PIK3R4: variants seen among roughly 807,000 people sequenced by gnomAD.
The protein encoded by PIK3R4 is phosphoinositide-3-kinase regulatory subunit 4.
Under a neutral mutation model 136.5 loss-of-function variants are expected in PIK3R4, and 46 were observed. The observed-to-expected ratio is 0.34, with a 90% CI of 0.27 to 0.43. The LOEUF is 0.43. PIK3R4 is among the 20% of genes least tolerant of loss of function. The pLI is 1.00. For synonymous variants in PIK3R4, 557 were observed against 566.7 expected (o/e 0.98, Z 0.24); for missense variants, 1,331 against 1,649.5 (o/e 0.81, Z 3.35).
At chr3:130,689,586 T>G (rs762483100) in intron 14 of PIK3R4, among the ~76,000 whole-genome samples, 9 of 152,222 alleles carry the variant, frequency 5.9e-5, no homozygotes, top group Non-Finnish European at 1.3e-4. Context: ...CTTTCTGCCT[T>G]AAGCTACCTA....
At chr3:130,724,231 T>C (rs1413702084) in intron 6 of PIK3R4, among the ~76,000 whole-genome samples, 1 of 152,206 alleles carries the variant, frequency 6.6e-6, no homozygotes, top group Non-Finnish European at 1.5e-5. Context: ...TTACTTTTCT[T>C]TCTAAAAGGA....
intron 16 of PIK3R4, 130 bp downstream of exon 16, chr3:130,684,120 C>T (rs2066474620): frequency 1.3e-6 from 1 of 773,000 alleles, no homozygotes; most frequent in Admixed American, 2.4e-5. Context: ...TGGCAACCTC[C>T]ATAATCAGAA....
intron 5 of PIK3R4, among the ~76,000 whole-genome samples, chr3:130,729,194 T>G (rs2066749350): frequency 6.6e-6 from 1 of 152,226 alleles, no homozygotes; most frequent in Non-Finnish European, 1.5e-5. Flanking sequence ...TTACCTCTTC[T>G]CTTCCTCATC....
At chr3:130,736,370 AC>A (rs1043925751) in intron 2 of PIK3R4, among the ~76,000 whole-genome samples, 5 of 152,268 alleles carry the variant, frequency 3.3e-5, no homozygotes, top group Admixed American at 3.3e-4. Flanking sequence ...GGAGTTCGAG[AC>A]CAGCCTGGTC....
chr3:130,687,651 T>C (rs1181023467), intron 14 of PIK3R4, among the ~76,000 whole-genome samples: 2 of 152,206 alleles, frequency 1.3e-5, no homozygotes, highest in African/African-American at 2.4e-5. Context: ...TATTCACTTA[T>C]TTATACCACT....
intron 13 of PIK3R4, among the ~76,000 whole-genome samples, chr3:130,702,377 G>C (rs1004600589): frequency 6.6e-6 from 1 of 151,920 alleles, no homozygotes; most frequent in Non-Finnish European, 1.5e-5. Flanking sequence ...TTTAAATTAT[G>C]TTCTGACCAA....
intron 8 of PIK3R4, 144 bp downstream of exon 8, chr3:130,718,245 T>C: frequency 1.5e-6 from 1 of 672,514 alleles, no homozygotes; most frequent in Admixed American, 2.7e-5. Context: ...TTCATTAACA[T>C]TAATTAGCTT....
intron 17 of PIK3R4, 131 bp downstream of exon 17, chr3:130,681,360 T>A (rs991790221): frequency 1.5e-6 from 1 of 676,214 alleles, no homozygotes; most frequent in African/African-American, 1.8e-5. Context: ...CACATGATAC[T>A]TGATGTTATT....
chr3:130,729,291 G>A (rs758772877), intron 5 of PIK3R4, among the ~76,000 whole-genome samples: 4 of 152,076 alleles, frequency 2.6e-5, no homozygotes, highest in South Asian at 2.1e-4. Flanking sequence ...CGTTTCTATC[G>A]TATTCACCAC....
rs779104744 is a variant in PIK3R4, at chr3:130,690,619, A to C, written c.3134T>G (p.Val1045Gly). 6 of 1,610,954 alleles carry C rather than the reference A, an allele frequency of 3.7e-6. No homozygotes were observed. In the Admixed American group the frequency reaches 1.0e-4, roughly 27 times the overall value. ...ILTYSRIGGR[V>G]KTLTFCQGSH... ...GCCTTGGCAGAATGTGAGCGTCTTG[A>C]CTCGTCCTCCAATTCGGCTGTATGT... Residue 1045 changes from valine (V) to glycine (G), a missense_variant, in exon 14 of 20, where the codon GTC (valine) becomes GGC (glycine). Coordinates refer to ENST00000356763, the MANE Select transcript of PIK3R4 (RefSeq NM_014602.3).
intron 5 of PIK3R4, 36 bp from the exon 6 acceptor site, chr3:130,728,720 A>G (rs773076264): frequency 1.4e-6 from 2 of 1,390,318 alleles, no homozygotes; most frequent in Non-Finnish European, 2.0e-6. Flanking sequence ...AGAAAGAAAG[A>G]AAAGAAATAG....
intron 9 of PIK3R4, among the ~76,000 whole-genome samples, chr3:130,715,669 T>A (rs2066660724): frequency 1.3e-5 from 2 of 152,206 alleles, no homozygotes; most frequent in South Asian, 2.1e-4. Flanking sequence ...CTTTGTCAGA[T>A]GGGTAGATTT....
chr3:130,730,469 A>G (rs1469896441), intron 4 of PIK3R4, 27 bp from the exon 5 acceptor site: 2 of 1,493,292 alleles, frequency 1.3e-6, no homozygotes, highest in Non-Finnish European at 1.8e-6. Flanking sequence ...AAGAAAATTT[A>G]TAATTACAAT....
chr3:130,723,783 C>A, intron 6 of PIK3R4, 196 bp from the exon 7 acceptor site: 1 of 473,984 alleles, frequency 2.1e-6, no homozygotes, highest in Non-Finnish European at 3.7e-6. Flanking sequence ...TCGGACACCA[C>A]AGAAAAGCTA....
chr3:130,699,107 T>C (rs187092583), intron 13 of PIK3R4, among the ~76,000 whole-genome samples: 2 of 152,336 alleles, frequency 1.3e-5, no homozygotes, highest in East Asian at 3.9e-4. Flanking sequence ...CACATACATG[T>C]GGTCTTATAA....
intron 13 of PIK3R4, among the ~76,000 whole-genome samples, chr3:130,693,899 A>G (rs767681021): frequency 2.0e-5 from 3 of 152,162 alleles, no homozygotes; most frequent in Non-Finnish European, 4.4e-5. Flanking sequence ...TCTAAGTTTT[A>G]TGGTTTTAGT....
At position 130,735,951 on chromosome 3, in the gene PIK3R4, G is replaced by C. The variant is rs771284961; in HGVS notation, c.785C>G (p.Ser262Cys). The change falls in exon 3 of 20, where the codon TCT becomes TGT. Residue 262 changes from serine (S) to cysteine (C), a missense_variant. Physicochemically the swap from Ser to Cys is moderately radical, Grantham distance 112 (BLOSUM62 -1). Transcript: ENST00000356763. Reference sequence around the variant, plus strand: ...TCCATTTCTATAAGCCAAAAGTTGAGAGAGATCAAATAATGGTACACCTTC... The same window carrying C: ...TCCATTTCTATAAGCCAAAAGTTGACAGAGATCAAATAATGGTACACCTTC... ...FTEGVPLFDL[S>C]QLLAYRNGHF... 2.5e-6 allele frequency: 4 copies of C among 1,612,116 alleles called. No individual in the cohort carries two copies. Among genetic ancestry groups the C allele is most frequent in the Non-Finnish European group, 2.5e-6 (3 of 1,179,018 alleles).
intron 4 of PIK3R4, among the ~76,000 whole-genome samples, chr3:130,730,999 C>T (rs1462158950): frequency 6.6e-6 from 1 of 152,138 alleles, no homozygotes; most frequent in Non-Finnish European, 1.5e-5. Flanking sequence ...CTTAGTGAAC[C>T]AAAGTGGCAG....
intron 2 of PIK3R4, among the ~76,000 whole-genome samples, chr3:130,740,438 T>C (rs541335456): frequency 1.1e-4 from 17 of 152,090 alleles, no homozygotes; most frequent in Admixed American, 2.0e-4. Flanking sequence ...CTATACCTCA[T>C]CTTAGAAAAC....
Sources: gnomAD v4.1 joint callset for allele counts (sites outside exome capture counted in the v4.1 genomes callset) on GRCh38, gnomAD v4.1.1 for gene constraint, MANE v1.5 for transcripts, NCBI Gene and HGNC (gene_info 2026-07-23, HGNC 2026-07-21) for gene names.